Variants in ABHD2 observed in about 807,000 individuals in gnomAD.
The protein encoded by ABHD2 is abhydrolase domain containing 2, acylglycerol lipase.
Under a neutral mutation model 48.1 loss-of-function variants are expected in ABHD2, and 20 were observed. The observed-to-expected ratio is 0.42, with a 90% CI of 0.29 to 0.60. The LOEUF (loss-of-function observed/expected upper bound fraction) is 0.60. Among genes scored for constraint, ABHD2 ranks in the 20% least tolerant of loss-of-function variants. The pLI is 0.24. For missense variants in ABHD2, 405 were observed against 550.9 expected, an observed-to-expected ratio of 0.74 and a Z score of 2.65; for synonymous variants, 209 against 214.2, an observed-to-expected ratio of 0.98 and a Z score of 0.21.
chr15:89,057,894 G>C, the ABHD2 span, among the ~76,000 whole-genome samples: 1 of 152,172 alleles, frequency 6.6e-6, no homozygotes, highest in Non-Finnish European at 1.5e-5. Context: ...TAGTTTGCCA[G>C]GTCTGACTTC....
intron 1 of ABHD2, among the ~76,000 whole-genome samples, chr15:89,095,924 C>G (rs776399612): frequency 3.9e-5 from 6 of 152,202 alleles, no homozygotes; most frequent in Non-Finnish European, 7.3e-5. Context: ...GTGCCTCCCC[C>G]GTTTGTATGT....
chr15:89,175,937 G>A lies in ABHD2; in HGVS notation c.664G>A (p.Ala222Thr). The change falls in exon 6 of 11, where the codon GCA (alanine) becomes ACA (threonine). Residue 222 changes from alanine (A) to threonine (T), a missense_variant. Physicochemically the swap from Ala to Thr is moderately conservative, Grantham distance 58. Coordinates refer to ENST00000352732, the MANE Select transcript of ABHD2 (RefSeq NM_152924.5). The surrounding 1 kb of genome is among the most constrained non-coding windows in gnomAD (Gnocchi z 5.7). ...IVCKYLGETQ[A>T]NQEKVLCCVS... ...GTGCAAATACTTGGGGGAGACTCAGGCAAACCAAGAGAAGGTCCTGTGCTG... is the reference window on the plus strand; with the variant it reads ...GTGCAAATACTTGGGGGAGACTCAGACAAACCAAGAGAAGGTCCTGTGCTG... The A allele has an allele frequency of 6.2e-7, 1 of 1,614,086 alleles. No individual in the cohort carries two copies. Among genetic ancestry groups the A allele is most frequent in the African/African-American group, 1.3e-5 (1 of 75,050 alleles).
chr15:89,189,048 C>T lies in ABHD2; in HGVS notation c.926+745C>T, dbSNP rs924102114. The stretch of plus-strand genomic sequence containing the variant: ...CATCTACTCTTTATCTGCCTCTCTC[C>T]TCCAGGCACCTGAGGTTGCAGCCTT... On this transcript the variant is annotated intron_variant, in intron 8 of 10. Coordinates refer to ENST00000352732, the MANE Select transcript of ABHD2 (RefSeq NM_152924.5). The surrounding 1 kb of genome is among the most constrained non-coding windows in gnomAD (Gnocchi z 4.9). Among the ~76,000 whole-genome samples, 10 of 152,342 alleles carry T rather than the reference C, an allele frequency of 6.6e-5. No individual in the cohort carries two copies. The South Asian group carries it at 1.0e-3, about 16-fold the overall frequency.
intron 6 of ABHD2, among the ~76,000 whole-genome samples, chr15:89,178,282 C>G (rs1195384691): frequency 1.3e-5 from 2 of 152,230 alleles, no homozygotes; most frequent in African/African-American, 2.4e-5. Context: ...ACATTTAAAC[C>G]AGATCTATGG....
At chr15:89,113,070 A>G (rs2049900751) in intron 1 of ABHD2, among the ~76,000 whole-genome samples, 1 of 152,214 alleles carries the variant, frequency 6.6e-6, no homozygotes, top group Admixed American at 6.5e-5. Flanking sequence ...TTTGGAAGCC[A>G]TAGATCTTTT....
chr15:89,127,724 T>TATATATATACATATATATATATACAC lies in ABHD2; in HGVS notation c.194+11212_194+11213insCATATATATATATACACATATATATA, dbSNP rs754686433. Among the ~76,000 whole-genome samples, 37 of 70,728 alleles carry TATATATATACATATATATATATACAC rather than the reference T, an allele frequency of 5.2e-4. 1 individual carries two copies. The highest frequency in any genetic ancestry group is 1.6e-3 in the African/African-American group (33 of 20,780). The allele number at this position is 70,728 out of a possible 152,430, so 46.4% of individuals were successfully genotyped here. A position where few individuals can be genotyped will look rare whatever the true frequency, so the allele number is the denominator to read the frequency against. On this transcript the variant is annotated intron_variant, in intron 3 of 10. Transcript: ENST00000352732. Reference sequence around the variant, plus strand: ...ATATATACATATATATATATACACATATATATATATATATATGTATATTTT... The same window carrying TATATATATACATATATATATATACAC: ...ATATATACATATATATATATACACATATATATATACATATATATATATACACATATATATATATATATGTATATTTT...
the ABHD2 span, among the ~76,000 whole-genome samples, chr15:89,068,752 C>CAGTTT: frequency 2.3e-3 from 194 of 85,154 alleles, 2 homozygotes; most frequent in African/African-American, 6.7e-3. Context: ...GGCAAGCTTC[C>CAGTTT]TCTTTTTTTT....
At chr15:89,136,148 C>T (rs1423335014) in intron 3 of ABHD2, 8 of 202,488 alleles carry the variant, frequency 4.0e-5, no homozygotes, top group Non-Finnish European at 8.1e-5. Flanking sequence ...AGGCTGGCCT[C>T]GAACTCCTGA....
In ABHD2 at chr15:89,135,890, C is replaced by G. The variant is rs571032555; in HGVS notation, c.195-15787C>G. The G allele has an allele frequency of 9.4e-6, 6 of 636,056 alleles. No individual in the cohort carries two copies. In the South Asian group the frequency reaches 9.4e-5, roughly 10 times the overall value. The allele number at this position is 636,056 out of a possible 1,614,324, so 39.4% of individuals were successfully genotyped here. On this transcript the variant is annotated intron_variant, in intron 3 of 10. Transcript: ENST00000352732. ...GGACAGAACAGAACAGGAAGAAGGC[C>G]GAAGGAGGCCTCTTGGGTGCACTGG...
Position 89,195,160 on chromosome 15 carries a change from C to A in ABHD2, c.1082-67C>A. The A allele has an allele frequency of 6.4e-7, 1 of 1,556,584 alleles. No homozygotes were observed. The highest frequency in any genetic ancestry group is 8.7e-7 in the Non-Finnish European group (1 of 1,147,950). Reference sequence around the variant, plus strand: ...CAGCCAGGCTACCCTAGCCAGCTCACCTCTGCACCTCCTGTCCTGGAGCAA... The same window carrying A: ...CAGCCAGGCTACCCTAGCCAGCTCAACTCTGCACCTCCTGTCCTGGAGCAA... On this transcript the variant is annotated intron_variant, in intron 10 of 10. Coordinates refer to ENST00000352732, the MANE Select transcript of ABHD2 (RefSeq NM_152924.5). This position sits in a 1 kb window ranked among gnomAD's most constrained non-coding sequence, Gnocchi z 5.1.
chr15:89,045,639 G>A, the ABHD2 span, among the ~76,000 whole-genome samples: 2 of 152,066 alleles, frequency 1.3e-5, no homozygotes, highest in Admixed American at 1.3e-4. Context: ...TGTATTCCTA[G>A]GTATTTTATT....
At chr15:89,090,807 T>C (rs1387725796) in intron 1 of ABHD2, among the ~76,000 whole-genome samples, 2 of 152,196 alleles carry the variant, frequency 1.3e-5, no homozygotes, top group Non-Finnish European at 2.9e-5. Context: ...TGCAGCTTGA[T>C]TCTAAATGGA....
intron 3 of ABHD2, among the ~76,000 whole-genome samples, chr15:89,125,430 A>G (rs968169558): frequency 6.6e-6 from 1 of 152,240 alleles, no homozygotes; most frequent in Non-Finnish European, 1.5e-5. Context: ...GGAAGACTCA[A>G]AATCATCTTG....
At chr15:89,069,125 T>TC in the ABHD2 span, among the ~76,000 whole-genome samples, 49 of 100,996 alleles carry the variant, frequency 4.9e-4, 1 homozygote, top group African/African-American at 1.3e-3. Flanking sequence ...TTCTTTTCTT[T>TC]TTTTTTTTTT....
Position 89,155,515 on chromosome 15 carries a change from G to A in ABHD2, c.519G>A (p.Ser173=), listed in dbSNP as rs139707395. 2.2e-5 allele frequency: 36 copies of A among 1,613,332 alleles called. No individual in the cohort carries two copies. Among genetic ancestry groups the A allele is most frequent in the Middle Eastern group, 1.6e-4 (1 of 6,062 alleles). Residue 173 remains serine (S), a synonymous_variant, in exon 5 of 11, where the codon TCG becomes TCA. Transcript: ENST00000352732. This position sits in a 1 kb window ranked among gnomAD's most constrained non-coding sequence, Gnocchi z 4.9. ...LGALPNIELT[S]PRMFTYGCTW... ...CCCTGCCCAACATTGAATTGACCTC[G>A]CCACGCATGTTCACCTATGGTAAGC...
chr15:89,123,877 G>A (rs1326916797), intron 3 of ABHD2, among the ~76,000 whole-genome samples: 2 of 152,008 alleles, frequency 1.3e-5, no homozygotes, highest in East Asian at 3.9e-4. Flanking sequence ...CAAAGTGCTG[G>A]GGTTATAGGT....
At chr15:89,076,322 C>T in the ABHD2 span, among the ~76,000 whole-genome samples, 2 of 152,162 alleles carry the variant, frequency 1.3e-5, no homozygotes, top group African/African-American at 4.8e-5. Context: ...CACTCGTATC[C>T]TCATTCTTGT....
the ABHD2 span, among the ~76,000 whole-genome samples, chr15:89,074,648 C>A: frequency 6.6e-6 from 1 of 152,206 alleles, no homozygotes; most frequent in Non-Finnish European, 1.5e-5. Context: ...GACTCCTCCA[C>A]TTTCTAGCCT....
At chr15:89,113,371 A>T (rs1246956748) in intron 1 of ABHD2, among the ~76,000 whole-genome samples, 3 of 152,224 alleles carry the variant, frequency 2.0e-5, no homozygotes, top group African/African-American at 7.2e-5. Flanking sequence ...AAGCCTTGCT[A>T]AGTTATTTCA....
Sources: gnomAD v4.1 joint callset for allele counts (sites outside exome capture counted in the v4.1 genomes callset) on GRCh38, gnomAD v4.1.1 for gene constraint, Gnocchi (gnomAD v3.1) non-coding constraint, MANE v1.5 for transcripts, NCBI Gene and HGNC (gene_info 2026-07-23, HGNC 2026-07-21) for gene names.